Variants in MAPK10 observed in about 807,000 individuals in gnomAD.
The protein encoded by MAPK10 is JNK3 alpha protein kinase.
Under a neutral mutation model 59.3 loss-of-function variants are expected in MAPK10, and 25 were observed. The ratio of observed to expected loss-of-function variants is 0.42; its 90% CI spans 0.31 to 0.59. The LOEUF is 0.59. MAPK10 is among the 20% of genes least tolerant of loss of function. The pLI is 0.15. For missense variants in MAPK10, 351 were observed against 568.9 expected, an observed-to-expected ratio of 0.62 and a Z score of 3.90; for synonymous variants, 190 against 200.5, an observed-to-expected ratio of 0.95 and a Z score of 0.44.
intron 4 of MAPK10, among the ~76,000 whole-genome samples, chr4:86,150,156 A>G (rs916006257): frequency 4.6e-5 from 7 of 152,206 alleles, no homozygotes; most frequent in African/African-American, 1.2e-4. Flanking sequence ...AGCAACTTCA[A>G]TGGGGCTGAA....
At position 86,012,598 on chromosome 4, in the gene MAPK10, C is replaced by T. The variant is rs1041309785; in HGVS notation, c.*4630G>A. The T allele has an allele frequency of 2.6e-5, 4 of 152,138 alleles. No individual in the cohort carries two copies. Among genetic ancestry groups the T allele is most frequent in the African/African-American group, 7.2e-5 (3 of 41,442 alleles). The allele number at this position is 152,138 out of a possible 1,614,324, so 9.4% of individuals were successfully genotyped here. A position where few individuals can be genotyped will look rare whatever the true frequency, so the allele number is the denominator to read the frequency against. ...GTCAAAAGAAGCAGAAGTTCTCCCC[C>T]GATTCATCCTCTTGTTCCACAGACA... On this transcript the variant is annotated 3_prime_UTR_variant, in exon 14 of 14. Transcript: ENST00000641462.
At chr4:86,577,091 A>G (rs1761958391) in intron 1 of MAPK10, among the ~76,000 whole-genome samples, 1 of 152,088 alleles carries the variant, frequency 6.6e-6, no homozygotes, top group Non-Finnish European at 1.5e-5. Context: ...GTTGTCTTTG[A>G]GCCCAGAGTT....
At chr4:86,410,871 C>T (rs1014596913) in intron 1 of MAPK10, among the ~76,000 whole-genome samples, 7 of 151,884 alleles carry the variant, frequency 4.6e-5, no homozygotes, top group African/African-American at 9.7e-5. Context: ...ATTGATTTTT[C>T]GGAAGGGTTT....
At chr4:86,398,554 C>T (rs1743275351) in intron 1 of MAPK10, among the ~76,000 whole-genome samples, 1 of 152,192 alleles carries the variant, frequency 6.6e-6, no homozygotes, top group African/African-American at 2.4e-5. Flanking sequence ...AAGATTCTTA[C>T]TTACCGCACA....
chr4:86,511,008 AT>A lies in MAPK10; in HGVS notation c.-263+82901del, dbSNP rs1756191762. The stretch of plus-strand genomic sequence containing the variant: ...TATAGTTAACAATAATTTATTCTGT[AT>A]TTCAAAATAGCTAGAAAAGAAAATT... On this transcript the variant is annotated intron_variant, in intron 1 of 4. Transcript: ENST00000502302. Among the ~76,000 whole-genome samples, 5 of 152,370 alleles carry A rather than the reference AT, an allele frequency of 3.3e-5. No individual in the cohort carries two copies. The South Asian group carries it at 1.0e-3, about 32-fold the overall frequency.
intron 1 of MAPK10, among the ~76,000 whole-genome samples, chr4:86,592,355 T>TAA (rs77290511): frequency 0.012 from 1,712 of 144,264 alleles, 23 homozygotes; most frequent in Non-Finnish European, 0.018. Context: ...ATGGCCTTAA[T>TAA]AAAAAAAAAA....
At chr4:86,135,113 G>A (rs1009401602) in intron 4 of MAPK10, among the ~76,000 whole-genome samples, 3 of 152,338 alleles carry the variant, frequency 2.0e-5, no homozygotes, top group Middle Eastern at 3.4e-3. Context: ...TGGGGGAGGG[G>A]CGCCCGCCAT....
intron 1 of MAPK10, among the ~76,000 whole-genome samples, chr4:86,428,310 ATTTTTGTATTTTTTG>A (rs1267635750): frequency 1.3e-5 from 2 of 152,074 alleles, no homozygotes; most frequent in South Asian, 4.2e-4. Context: ...TGCCTGGCTA[ATTTTTGTATTTTTTG>A]TTTTTGTATT....
Position 86,013,463 on chromosome 4 carries a change from T to C in MAPK10, c.*3765A>G, listed in dbSNP as rs1264252370. 6.6e-6 allele frequency: 1 copy of C among 152,230 alleles called. No homozygotes were observed. Among genetic ancestry groups the C allele is most frequent in the Non-Finnish European group, 1.5e-5 (1 of 68,048 alleles). The allele number at this position is 152,230 out of a possible 1,614,324, so 9.4% of individuals were successfully genotyped here. A position where few individuals can be genotyped will look rare whatever the true frequency, so the allele number is the denominator to read the frequency against. ...GAATACATTTTTCAGCAAAGCTGGCTAATAACATGCCTTACAGAGCATAAT... is the reference window on the plus strand; with the variant it reads ...GAATACATTTTTCAGCAAAGCTGGCCAATAACATGCCTTACAGAGCATAAT... On this transcript the variant is annotated 3_prime_UTR_variant, in exon 14 of 14. Coordinates refer to ENST00000641462, the MANE Select transcript of MAPK10 (RefSeq NM_138982.4).
chr4:86,568,195 A>G (rs1423402354), intron 1 of MAPK10, among the ~76,000 whole-genome samples: 1 of 152,202 alleles, frequency 6.6e-6, no homozygotes, highest in Non-Finnish European at 1.5e-5. Flanking sequence ...TCCATTTACA[A>G]TAACTACAAA....
At chr4:86,161,230 T>C (rs891010562) in intron 3 of MAPK10, among the ~76,000 whole-genome samples, 4 of 152,052 alleles carry the variant, frequency 2.6e-5, no homozygotes, top group African/African-American at 9.7e-5. Flanking sequence ...GATCTGCAAA[T>C]GCAATAATAA....
chr4:86,378,496 C>T (rs912891737), intron 1 of MAPK10, among the ~76,000 whole-genome samples: 33 of 151,176 alleles, frequency 2.2e-4, no homozygotes, highest in Admixed American at 2.6e-4. Flanking sequence ...CTCTTTTCGA[C>T]ATATTAAATG....
At chr4:86,216,282 CATATATATATAGCATATATATAT>C (rs1563202122) in intron 2 of MAPK10, among the ~76,000 whole-genome samples, 2 of 141,430 alleles carry the variant, frequency 1.4e-5, no homozygotes, top group South Asian at 2.2e-4. Context: ...AGCACACACA[CATATATATATAGCATATATATAT>C]ATATATATAT....
chr4:86,443,618 A>AAC (rs139536578), intron 1 of MAPK10, among the ~76,000 whole-genome samples: 3 of 151,714 alleles, frequency 2.0e-5, no homozygotes, highest in African/African-American at 7.2e-5. Flanking sequence ...CACACACACA[A>AAC]ACACACACAC....
Position 86,505,461 on chromosome 4 carries a change from T to C in MAPK10, c.-263+88449A>G, listed in dbSNP as rs557975693. ...CCTCATCTCTACTAAAAATTTGTGG[T>C]GGCATGCATCTGTAATCCCAGCTTA... is the stretch of plus-strand genomic sequence containing the variant. On this transcript the variant is annotated intron_variant, in intron 1 of 4. Coordinates refer to the MAPK10 transcript ENST00000502302. 3.5e-4 allele frequency among the ~76,000 whole-genome samples: 53 copies of C among 152,130 alleles called. 1 individual carries two copies. The highest frequency in any genetic ancestry group is 1.2e-3 in the African/African-American group (51 of 41,532).
Position 86,146,439 on chromosome 4 carries a change from G to A in MAPK10, c.236+12859C>T, listed in dbSNP as rs569846029. ...GAGGATGATAGACATTTTAGAGAGGGCAAAGACTGCAAAATCCTAGTCTTT... is the reference window on the plus strand; with the variant it reads ...GAGGATGATAGACATTTTAGAGAGGACAAAGACTGCAAAATCCTAGTCTTT... On this transcript the variant is annotated intron_variant, in intron 4 of 13. Transcript: ENST00000641462. Among the ~76,000 whole-genome samples, 10 of 152,244 alleles carry A rather than the reference G, an allele frequency of 6.6e-5. No individual in the cohort carries two copies. In the East Asian group the frequency reaches 1.7e-3, roughly 26 times the overall value.
intron 2 of MAPK10, among the ~76,000 whole-genome samples, chr4:86,328,120 C>T (rs1306325687): frequency 6.6e-6 from 1 of 151,922 alleles, no homozygotes; most frequent in Non-Finnish European, 1.5e-5. Context: ...GAGATTAAAG[C>T]CCTTATAAAA....
chr4:86,110,763 G>A (rs993328165), intron 4 of MAPK10, among the ~76,000 whole-genome samples: 2 of 152,018 alleles, frequency 1.3e-5, no homozygotes, highest in African/African-American at 4.8e-5. Context: ...TTCTAATTCT[G>A]TGAAGAATGT....
At chr4:86,540,227 G>C (rs1200661559) in intron 1 of MAPK10, among the ~76,000 whole-genome samples, 1 of 152,232 alleles carries the variant, frequency 6.6e-6, no homozygotes, top group Non-Finnish European at 1.5e-5. Flanking sequence ...CATGCACAGT[G>C]TGTTAGCTCA....
Sources: allele counts gnomAD v4.1 joint callset (sites outside exome capture counted in the v4.1 genomes callset), GRCh38; gene constraint gnomAD v4.1.1; transcripts MANE v1.5; gene names NCBI Gene and HGNC (gene_info 2026-07-23, HGNC 2026-07-21).